The following SOD2 variants were observed in gnomAD, a reference collection of about 807,000 sequenced individuals.
SOD2 encodes the protein superoxide dismutase [Mn], mitochondrial.
A neutral mutation model predicts 27.0 loss-of-function variants in SOD2; 11 were observed. The observed-to-expected ratio is 0.41, with a 90% CI of 0.26 to 0.67. The LOEUF (loss-of-function observed/expected upper bound fraction) is 0.67, where lower values mean the gene tolerates loss of function less well. Ranked by LOEUF, SOD2 falls within the 30% of genes least tolerant of loss-of-function variation. The probability of loss-of-function intolerance (pLI) is 0.34; values close to 1 mark genes in which losing one functional copy is unlikely to be tolerated. For synonymous variants in SOD2, 105 were observed against 103.0 expected, an observed-to-expected ratio of 1.02 and a Z score of -0.12; for missense variants, 250 against 274.5, an observed-to-expected ratio of 0.91 and a Z score of 0.63.
intron 1 of SOD2, chr6:159,743,858 T>C (rs1779405564): frequency 9.6e-6 from 14 of 1,465,748 alleles, no homozygotes; most frequent in Non-Finnish European, 1.2e-5. Context: ...CATTATTACA[T>C]GTTAATTTTA....
At chr6:159,752,634 C>T (rs147380276) in intron 1 of SOD2, among the ~76,000 whole-genome samples, 1 of 152,088 alleles carries the variant, frequency 6.6e-6, no homozygotes, top group East Asian at 1.9e-4. Context: ...AAAGGATGAT[C>T]TTTTCCAATA....
chr6:159,708,751 C>A (rs542537568), intron 1 of SOD2, among the ~76,000 whole-genome samples: 1 of 152,284 alleles, frequency 6.6e-6, no homozygotes, highest in South Asian at 2.1e-4. Context: ...ACTTTCTTCA[C>A]AGAATTGGAA....
At chr6:159,690,060 G>A (rs1260203899) in intron 2 of SOD2, among the ~76,000 whole-genome samples, 1 of 151,784 alleles carries the variant, frequency 6.6e-6, no homozygotes, top group Admixed American at 6.6e-5. Context: ...GAGATGGGCG[G>A]ATCACTTGAG....
intron 1 of SOD2, among the ~76,000 whole-genome samples, chr6:159,712,423 A>G (rs867622477): frequency 2.2e-3 from 129 of 58,982 alleles, no homozygotes; most frequent in Non-Finnish European, 3.5e-3. Flanking sequence ...CACCATAACC[A>G]CCTCCATAAC....
Position 159,669,900 on chromosome 6 carries a change from T to C in SOD2, c.*12593A>G, listed in dbSNP as rs1562408261. The C allele has an allele frequency of 6.6e-6, 1 of 152,212 alleles. No homozygotes were observed. The highest frequency in any genetic ancestry group is 1.9e-4 in the East Asian group (1 of 5,206). 9.4% of individuals were successfully genotyped at this position (152,212 alleles called of 1,614,324 possible). The stretch of plus-strand genomic sequence containing the variant: ...AGTCATGATGGTGGTTTTTAATCCA[T>C]TCAGTCAATCTATATCTTTTAAGTG... On this transcript the variant is annotated 3_prime_UTR_variant, in exon 5 of 5. Coordinates refer to ENST00000538183, the MANE Select transcript of SOD2 (RefSeq NM_000636.4).
chr6:159,709,709 C>G (rs539440438), intron 1 of SOD2, among the ~76,000 whole-genome samples: 1 of 152,070 alleles, frequency 6.6e-6, no homozygotes, highest in African/African-American at 2.4e-5. Context: ...GACAGTGTGG[C>G]GATTCCTCAG....
rs7752233 is a variant in SOD2, at chr6:159,674,998, C to G, written c.*7495G>C. 1 of 151,808 alleles carries G rather than the reference C, an allele frequency of 6.6e-6. No individual in the cohort carries two copies. The highest frequency in any genetic ancestry group is 2.4e-5 in the African/African-American group (1 of 41,350). 9.4% of individuals were successfully genotyped at this position (151,808 alleles called of 1,614,324 possible). A position where few individuals can be genotyped will look rare whatever the true frequency, so the allele number is the denominator to read the frequency against. On this transcript the variant is annotated 3_prime_UTR_variant, in exon 5 of 5. Transcript: ENST00000538183. ...ATCATGAGTGAACTCCCATTCACAACTGCCTCAAAGAGAATAAAATACCTA... is the reference window on the plus strand; with the variant it reads ...ATCATGAGTGAACTCCCATTCACAAGTGCCTCAAAGAGAATAAAATACCTA...
intron 1 of SOD2, among the ~76,000 whole-genome samples, chr6:159,750,939 C>G (rs78128487): frequency 7.2e-4 from 110 of 152,292 alleles, no homozygotes; most frequent in Admixed American, 5.6e-3. Context: ...TTTTTCTGTT[C>G]TAATTTTGAG....
chr6:159,686,290 T>C (rs762222602), intron 3 of SOD2, among the ~76,000 whole-genome samples: 18 of 152,188 alleles, frequency 1.2e-4, no homozygotes, highest in Non-Finnish European at 5.9e-5. Flanking sequence ...ATATATCTGA[T>C]ATTCTGGTAA....
chr6:159,695,437 C>G (rs1777406358), upstream of SOD2, among the ~76,000 whole-genome samples: 1 of 152,186 alleles, frequency 6.6e-6, no homozygotes, highest in South Asian at 2.1e-4. Context: ...ACTACCATGA[C>G]TGTGAGCACA....
At chr6:159,748,985 T>G (rs544712219), upstream of SOD2, 24 of 1,039,282 alleles carry the variant, frequency 2.3e-5, no homozygotes, top group East Asian at 1.4e-3. The surrounding 1 kb of genome is among the most constrained non-coding windows in gnomAD (Gnocchi z 5.6). Flanking sequence ...CTTTCAATAG[T>G]CATGAGAGAA....
chr6:159,741,340 T>C (rs1284655159), intron 1 of SOD2, among the ~76,000 whole-genome samples: 1 of 152,244 alleles, frequency 6.6e-6, no homozygotes, highest in African/African-American at 2.4e-5. Context: ...AAAAATGTTA[T>C]ATTCTCCCCC....
At chr6:159,721,328 A>T (rs947521299) in intron 1 of SOD2, among the ~76,000 whole-genome samples, 5 of 151,048 alleles carry the variant, frequency 3.3e-5, no homozygotes, top group Non-Finnish European at 5.9e-5. Context: ...CGGCCTCCCA[A>T]AGTGCTGGGA....
intron 1 of SOD2, among the ~76,000 whole-genome samples, chr6:159,710,463 A>G (rs1777712809): frequency 6.6e-6 from 1 of 151,952 alleles, no homozygotes; most frequent in Admixed American, 6.6e-5. Context: ...AAGAGGAAAA[A>G]GAAAGACGAC....
At chr6:159,730,280 T>C (rs1778486955), upstream of SOD2, among the ~76,000 whole-genome samples, 1 of 152,252 alleles carries the variant, frequency 6.6e-6, no homozygotes. Flanking sequence ...ATATTTTCTT[T>C]ATTATTTTCC....
intron 1 of SOD2, among the ~76,000 whole-genome samples, chr6:159,739,775 T>G (rs1779131123): frequency 6.6e-6 from 1 of 151,028 alleles, no homozygotes; most frequent in Non-Finnish European, 1.5e-5. Flanking sequence ...TGTGACAATT[T>G]CCTACTTTCA....
At chr6:159,722,101 G>A (rs1476643755) in intron 1 of SOD2, among the ~76,000 whole-genome samples, 1 of 152,102 alleles carries the variant, frequency 6.6e-6, no homozygotes, top group African/African-American at 2.4e-5. Flanking sequence ...GGGTAGGTTG[G>A]GAGCAGTGGC....
intron 1 of SOD2, chr6:159,743,730 C>T: frequency 6.2e-7 from 1 of 1,613,468 alleles, no homozygotes; most frequent in Non-Finnish European, 8.5e-7. Context: ...GGAGTCTGCA[C>T]GCAGGGAAAA....
At chr6:159,714,857 TAA>T (rs1777897224) in intron 1 of SOD2, among the ~76,000 whole-genome samples, 1 of 152,148 alleles carries the variant, frequency 6.6e-6, no homozygotes, top group Non-Finnish European at 1.5e-5. Context: ...TAGTTATACA[TAA>T]GAGGCTTTTG....
Sources: gnomAD v4.1 joint callset for allele counts (sites outside exome capture counted in the v4.1 genomes callset) on GRCh38, gnomAD v4.1.1 for gene constraint, Gnocchi (gnomAD v3.1) non-coding constraint, MANE v1.5 for transcripts, NCBI Gene and HGNC (gene_info 2026-07-23, HGNC 2026-07-21) for gene names.